Variants in SLC7A2 observed in about 807,000 individuals in gnomAD.
The protein encoded by SLC7A2 is solute carrier family 7 member 2, also known as cationic amino acid transporter 2.
SLC7A2 carries 48 observed loss-of-function variants against 58.9 expected under a neutral mutation model. The observed-to-expected ratio is 0.82, with a 90% CI of 0.65 to 1.04. SLC7A2 has a LOEUF of 1.04. Ranked by LOEUF, SLC7A2 falls within the 50% of genes least tolerant of loss-of-function variation. The pLI, the probability that SLC7A2 is intolerant of heterozygous loss-of-function variation, is 0.00. For synonymous variants in SLC7A2, 363 were observed against 314.5 expected (o/e 1.15, Z -1.63); for missense variants, 1,029 against 818.8 (o/e 1.26, Z -3.13).
Position 17,554,509 on chromosome 8 carries a change from G to A in SLC7A2, c.1056-51G>A, listed in dbSNP as rs117447375. 3.6e-3 allele frequency: 5,216 copies of A among 1,463,858 alleles called. 22 individuals carry two copies. Among genetic ancestry groups the A allele is most frequent in the Admixed American group, 4.4e-3 (187 of 42,384 alleles). The allele number at this position is 1,463,858 out of a possible 1,614,324, so 90.7% of individuals were successfully genotyped here. A position where few individuals can be genotyped will look rare whatever the true frequency, so the allele number is the denominator to read the frequency against. ...AATTATTTTATTTCCGTTCGGGGAT[G>A]TAATCTTGCATGAATGTTTGCCATA... On this transcript the variant is annotated intron_variant, in intron 7 of 12. Transcript: ENST00000494857.
At chr8:17,508,387 T>C (rs1180525631) in intron 2 of SLC7A2, among the ~76,000 whole-genome samples, 1 of 152,236 alleles carries the variant, frequency 6.6e-6, no homozygotes, top group African/African-American at 2.4e-5. Context: ...TCTTCCTGCA[T>C]TGCTAACTCT....
intron 2 of SLC7A2, among the ~76,000 whole-genome samples, chr8:17,532,359 T>C (rs1006890091): frequency 1.3e-5 from 2 of 150,780 alleles, no homozygotes; most frequent in African/African-American, 4.9e-5. Flanking sequence ...AATCCCAGTG[T>C]GAGCATGGAG....
intron 9 of SLC7A2, among the ~76,000 whole-genome samples, chr8:17,559,457 T>C (rs2588251): frequency 0.29 from 43,366 of 151,956 alleles, 6,460 homozygotes; most frequent in East Asian, 0.36. Context: ...TCCTAGCTAC[T>C]CAGGAGGCTG....
At chr8:17,554,986 G>T in intron 8 of SLC7A2, 5 of 1,613,948 alleles carry the variant, frequency 3.1e-6, no homozygotes, top group Non-Finnish European at 4.2e-6. Flanking sequence ...AATTCTGTTT[G>T]CCATGGCCCG....
chr8:17,543,175 C>T (rs1801988789), intron 2 of SLC7A2, 143 bp from the exon 3 acceptor site: 1 of 758,116 alleles, frequency 1.3e-6, no homozygotes, highest in South Asian at 2.2e-5. Flanking sequence ...CACTGCATCT[C>T]TTCTAACAAG....
At chr8:17,508,000 A>G (rs1800442609) in intron 2 of SLC7A2, among the ~76,000 whole-genome samples, 1 of 152,300 alleles carries the variant, frequency 6.6e-6, no homozygotes, top group African/African-American at 2.4e-5. Context: ...ATCTAAAAAT[A>G]AAAAGACTTT....
At chr8:17,564,773 T>A (rs1803184755) in intron 12 of SLC7A2, among the ~76,000 whole-genome samples, 177 bp from the exon 13 acceptor site, 1 of 152,136 alleles carries the variant, frequency 6.6e-6, no homozygotes, top group Admixed American at 6.5e-5. Context: ...TCCTGTTGTG[T>A]GGCCTGGTTC....
At chr8:17,533,065 C>T (rs1801523118) in intron 2 of SLC7A2, among the ~76,000 whole-genome samples, 1 of 152,052 alleles carries the variant, frequency 6.6e-6, no homozygotes, top group African/African-American at 2.4e-5. Context: ...TTTGCATGTT[C>T]TAGATAGAAA....
At chr8:17,528,966 GA>G (rs201523249) in intron 2 of SLC7A2, among the ~76,000 whole-genome samples, 6,091 of 152,204 alleles carry the variant, frequency 0.04, 151 homozygotes, top group Middle Eastern at 0.075. Context: ...AAGGAATTCT[GA>G]AGGGAAGATG....
intron 2 of SLC7A2, among the ~76,000 whole-genome samples, chr8:17,515,986 C>G (rs1042242438): frequency 1.3e-5 from 2 of 152,074 alleles, no homozygotes; most frequent in Admixed American, 1.3e-4. Context: ...ATTAGTAGTT[C>G]TGTCTTCTGA....
intron 4 of SLC7A2, among the ~76,000 whole-genome samples, chr8:17,547,020 T>C (rs1400439809): frequency 5.9e-5 from 9 of 152,290 alleles, no homozygotes; most frequent in East Asian, 1.9e-4. Flanking sequence ...TCTGATAACT[T>C]TTCTACATGT....
intron 2 of SLC7A2, among the ~76,000 whole-genome samples, chr8:17,531,452 A>G (rs1007043454): frequency 3.9e-5 from 6 of 152,156 alleles, no homozygotes; most frequent in Non-Finnish European, 7.3e-5. Flanking sequence ...GTATATGGAT[A>G]TATTTTTTAA....
intron 8 of SLC7A2, 140 bp downstream of exon 8, chr8:17,554,839 A>G: frequency 6.8e-7 from 1 of 1,461,698 alleles, no homozygotes; most frequent in Non-Finnish European, 9.2e-7. Flanking sequence ...TCCTATTTTG[A>G]ATTTTTTGGT....
chr8:17,521,638 G>T (rs569127925), intron 2 of SLC7A2, among the ~76,000 whole-genome samples: 1 of 152,338 alleles, frequency 6.6e-6, no homozygotes, highest in Admixed American at 6.5e-5. Flanking sequence ...GAGACGTGGC[G>T]CTGGGCTGTG....
intron 7 of SLC7A2, 137 bp downstream of exon 7, chr8:17,552,123 CT>C (rs1802484576): frequency 4.5e-6 from 3 of 661,984 alleles, no homozygotes; most frequent in Non-Finnish European, 7.8e-6. Flanking sequence ...TATTGATTGG[CT>C]TGCTCAGAAT....
chr8:17,503,100 G>T (rs1204527416), intron 2 of SLC7A2, among the ~76,000 whole-genome samples: 1 of 151,744 alleles, frequency 6.6e-6, no homozygotes, highest in Non-Finnish European at 1.5e-5. Flanking sequence ...ACCCAGGCTG[G>T]AGTGCAGTGG....
chr8:17,495,433 A>G (rs999609316), upstream of SLC7A2, among the ~76,000 whole-genome samples: 1 of 152,216 alleles, frequency 6.6e-6, no homozygotes, highest in African/African-American at 2.4e-5. Flanking sequence ...TGCATAAGGA[A>G]TCTTTTTTTG....
At chr8:17,558,544 G>A (rs1253694580) in intron 9 of SLC7A2, 147 bp downstream of exon 9, 1 of 518,744 alleles carries the variant, frequency 1.9e-6, no homozygotes, top group Non-Finnish European at 3.5e-6. Context: ...ATGAAAAGTG[G>A]AAGAAGCGTA....
chr8:17,513,839 A>G (rs1410471870), intron 2 of SLC7A2, among the ~76,000 whole-genome samples: 3 of 152,202 alleles, frequency 2.0e-5, no homozygotes, highest in Non-Finnish European at 4.4e-5. Flanking sequence ...TCTCAGATTA[A>G]GTTATAGGTA....
Sources: allele counts gnomAD v4.1 joint callset (sites outside exome capture counted in the v4.1 genomes callset), GRCh38; gene constraint gnomAD v4.1.1; transcripts MANE v1.5; gene names NCBI Gene and HGNC (gene_info 2026-07-23, HGNC 2026-07-21).